FOXP2: variants seen among roughly 807,000 people sequenced by gnomAD.
FOXP2 encodes the protein forkhead box protein P2.
In FOXP2, 12 loss-of-function variants were observed where a neutral mutation model predicts 115.8. That is an observed-to-expected ratio of 0.10 (90% CI 0.07 to 0.17). FOXP2 has a LOEUF of 0.17. Ranked by LOEUF, FOXP2 falls within the 10% of genes least tolerant of loss-of-function variation. The probability of loss-of-function intolerance (pLI) is 1.00; values close to 1 mark genes in which losing one functional copy is unlikely to be tolerated. For synonymous variants in FOXP2, 328 were observed against 297.7 expected (o/e 1.10, Z -1.05); for missense variants, 629 against 843.5 (o/e 0.75, Z 3.15).
rs561766761 is a variant in FOXP2, at chr7:114,129,053, T to C, written c.-246-33891T>C. ...CTTCTTGACTTGGTTATGTTGGTGATACTACATCCTCCTCTCTCATTTATT... is the reference window on the plus strand; with the variant it reads ...CTTCTTGACTTGGTTATGTTGGTGACACTACATCCTCCTCTCTCATTTATT... On this transcript the variant is annotated intron_variant, in intron 1 of 19. Transcript: ENST00000635638. Among the ~76,000 whole-genome samples the C allele has an allele frequency of 7.9e-5, 12 of 152,312 alleles. No individual in the cohort carries two copies. In the South Asian group the frequency reaches 2.5e-3, roughly 32 times the overall value.
At chr7:114,676,131 G>C (rs1336057365) in intron 16 of FOXP2, among the ~76,000 whole-genome samples, 1 of 66,904 alleles carries the variant, frequency 1.5e-5, no homozygotes, top group Non-Finnish European at 2.7e-5. Context: ...GTTTCTTCTT[G>C]TTGGCCAGTC....
chr7:114,640,839 G>C (rs534977123), intron 6 of FOXP2, among the ~76,000 whole-genome samples: 84 of 152,224 alleles, frequency 5.5e-4, no homozygotes, highest in African/African-American at 1.9e-3. Flanking sequence ...CATTGAGTTT[G>C]AATTCTGCCC....
Position 114,290,212 on chromosome 7 carries a change from A to AT in FOXP2, c.-11+2113dup, listed in dbSNP as rs544826026. ...GGTTCAAACCTCCTATTTTCAAACA[A>AT]TTTTTTTTTTAGTTTTATCTCCATT... On this transcript the variant is annotated intron_variant, in intron 2 of 17. Transcript: ENST00000634411. Among the ~76,000 whole-genome samples, 614 of 149,754 alleles carry AT rather than the reference A, an allele frequency of 4.1e-3. 5 individuals carry two copies. The highest frequency in any genetic ancestry group is 0.028 in the East Asian group (142 of 5,124).
rs1804723061 is a variant in FOXP2, at chr7:114,628,609, C to A, written c.328C>A (p.Gln110Lys). Residue 110 changes from glutamine to lysine, a missense_variant, in exon 4 of 17, where the codon CAA (glutamine) becomes AAA (lysine). Transcript: ENST00000350908. The part of the protein sequence containing the change: ...TPQQMQQILQ[Q>K]QVLSPQQLQA... ...TCAGCAAATGCAGCAGATCCTTCAG[C>A]AACAAGTCCTGTCTCCTCAGCAGCT... The A allele has an allele frequency of 6.2e-7, 1 of 1,613,990 alleles. No homozygotes were observed. Among genetic ancestry groups the A allele is most frequent in the Admixed American group, 1.7e-5 (1 of 59,980 alleles).
chr7:114,268,734 G>GTA (rs1795964778), intron 1 of FOXP2, among the ~76,000 whole-genome samples: 1 of 147,280 alleles, frequency 6.8e-6, no homozygotes, highest in Non-Finnish European at 1.5e-5. Context: ...GTGTGTGTAT[G>GTA]TGTGTATTTT....
At chr7:114,329,474 G>A (rs1269319647) in intron 2 of FOXP2, among the ~76,000 whole-genome samples, 4 of 148,894 alleles carry the variant, frequency 2.7e-5, no homozygotes, top group South Asian at 2.1e-4. Flanking sequence ...AGCCGAGATC[G>A]TGCCATTGAA....
intron 2 of FOXP2, among the ~76,000 whole-genome samples, chr7:114,363,271 A>G (rs1791794634): frequency 6.6e-6 from 1 of 152,116 alleles, no homozygotes. Flanking sequence ...CATTAATTAC[A>G]ATGAAAGATA....
At chr7:114,247,691 A>T (rs923695323) in intron 1 of FOXP2, among the ~76,000 whole-genome samples, 1 of 152,208 alleles carries the variant, frequency 6.6e-6, no homozygotes, top group African/African-American at 2.4e-5. Context: ...GCATGTTTAT[A>T]GTCCACTTCT....
At chr7:114,237,198 G>A (rs770484976) in intron 1 of FOXP2, among the ~76,000 whole-genome samples, 11 of 152,074 alleles carry the variant, frequency 7.2e-5, no homozygotes, top group Admixed American at 1.3e-4. Context: ...ACATTTGTAC[G>A]AGTATGAGTG....
intron 16 of FOXP2, among the ~76,000 whole-genome samples, chr7:114,688,075 A>T (rs1473588948): frequency 6.6e-6 from 1 of 151,914 alleles, no homozygotes; most frequent in Non-Finnish European, 1.5e-5. Flanking sequence ...TTTGTGAAGT[A>T]AAAAATGAGA....
chr7:114,639,899 C>T (rs193263495), intron 6 of FOXP2, among the ~76,000 whole-genome samples: 17 of 152,242 alleles, frequency 1.1e-4, no homozygotes, highest in African/African-American at 3.4e-4. Flanking sequence ...TAAGTATTCT[C>T]GAAAGCCTTT....
chr7:114,583,171 A>G (rs1325705701), intron 3 of FOXP2, among the ~76,000 whole-genome samples: 3 of 152,040 alleles, frequency 2.0e-5, no homozygotes, highest in Non-Finnish European at 4.4e-5. Flanking sequence ...TGAGGTCAGG[A>G]GTTCGAGCAA....
chr7:114,642,609 T>G lies in FOXP2; in HGVS notation c.975T>G (p.Ser325Arg), dbSNP rs753394697. 1.2e-6 allele frequency: 2 copies of G among 1,613,388 alleles called. No homozygotes were observed. Among genetic ancestry groups the G allele is most frequent in the Non-Finnish European group, 1.7e-6 (2 of 1,179,586 alleles). The change falls in exon 7 of 17, where the codon AGT becomes AGG. Residue 325 changes from serine to arginine, a missense_variant. Ser to Arg is a moderately radical substitution (Grantham distance 110). Coordinates refer to ENST00000350908, the MANE Select transcript of FOXP2 (RefSeq NM_014491.4). ...SIVNGQSSVLSARRDSSSHEE... is the reference protein window; with the variant it reads ...SIVNGQSSVLRARRDSSSHEE... ...TGAATGGACAGTCTTCAGTTCTAAGTGCAAGACGAGACAGGTAAATCTCAT... is the reference window on the plus strand; with the variant it reads ...TGAATGGACAGTCTTCAGTTCTAAGGGCAAGACGAGACAGGTAAATCTCAT...
chr7:114,436,728 A>G (rs2129210146), intron 2 of FOXP2, among the ~76,000 whole-genome samples: 1 of 152,042 alleles, frequency 6.6e-6, no homozygotes, highest in South Asian at 2.1e-4. Flanking sequence ...CAGATGCTTC[A>G]AAGGATATAT....
intron 2 of FOXP2, among the ~76,000 whole-genome samples, chr7:114,507,997 A>G (rs1320420254): frequency 6.6e-6 from 1 of 152,020 alleles, no homozygotes; most frequent in East Asian, 1.9e-4. Context: ...AAAAGACATT[A>G]AGTGCTTGCT....
intron 1 of FOXP2, among the ~76,000 whole-genome samples, chr7:114,194,116 A>G (rs1793838832): frequency 6.6e-6 from 1 of 152,104 alleles, no homozygotes; most frequent in Non-Finnish European, 1.5e-5. Context: ...TGGAAAAAAA[A>G]TTGGGAGCCC....
chr7:114,664,636 A>G, intron 16 of FOXP2, 200 bp downstream of exon 16: 1 of 612,930 alleles, frequency 1.6e-6, no homozygotes, highest in Non-Finnish European at 2.9e-6. Context: ...CAAATGCCAT[A>G]TCATTATTGT....
intron 1 of FOXP2, among the ~76,000 whole-genome samples, chr7:114,137,558 C>A (rs1208540996): frequency 6.6e-6 from 1 of 151,810 alleles, no homozygotes; most frequent in Non-Finnish European, 1.5e-5. Context: ...TTTTTGAGTT[C>A]AATTTAATTC....
chr7:114,095,448 T>G (rs1175345121), intron 1 of FOXP2, among the ~76,000 whole-genome samples: 1 of 152,032 alleles, frequency 6.6e-6, no homozygotes, highest in Non-Finnish European at 1.5e-5. Flanking sequence ...AGTTAAATTT[T>G]TAAAGGGTTT....
Sources: allele counts gnomAD v4.1 joint callset (sites outside exome capture counted in the v4.1 genomes callset), GRCh38; gene constraint gnomAD v4.1.1; transcripts MANE v1.5; gene names NCBI Gene and HGNC (gene_info 2026-07-23, HGNC 2026-07-21).